LSM8: variants seen among roughly 807,000 people sequenced by gnomAD.
LSM8 encodes the protein LSM8 U6 small nuclear RNA associated.
A neutral mutation model predicts 15.0 loss-of-function variants in LSM8; 14 were observed. That is an observed-to-expected ratio of 0.93 (90% CI 0.62 to 1.46). The LOEUF is 1.46. Ranked by LOEUF, LSM8 falls within the 40% of genes most tolerant of loss-of-function variation. LSM8 has a pLI of 0.00. For synonymous variants in LSM8, 50 were observed against 42.1 expected (o/e 1.19, Z -0.73); for missense variants, 90 against 115.4 (o/e 0.78, Z 1.01).
chr7:118,195,752 CTT>C lies in LSM8; in HGVS notation c.*3751_*3752del, dbSNP rs1177070549. ...TTTACTTATTTTGGGTTTAAAAAAA[CTT>C]GGGCTGTGAATCTCAGTTTTAAGTC... On this transcript the variant is annotated 3_prime_UTR_variant, in exon 4 of 4. Transcript: ENST00000249299. Among the ~76,000 whole-genome samples the C allele has an allele frequency of 3.3e-5, 5 of 152,004 alleles. No individual in the cohort carries two copies. The East Asian group carries it at 9.6e-4, about 29-fold the overall frequency.
At position 118,192,281 on chromosome 7, in the gene LSM8, T is replaced by C. The variant is rs544752930; in HGVS notation, c.*279T>C. On this transcript the variant is annotated 3_prime_UTR_variant, in exon 4 of 4. Transcript: ENST00000249299. ...AGAAAAAAGTAGTACTTTTTGATACTTTAGTATTTATGGAAACTAGTGGAA... is the reference window on the plus strand; with the variant it reads ...AGAAAAAAGTAGTACTTTTTGATACCTTAGTATTTATGGAAACTAGTGGAA... 1 of 245,352 alleles carries C rather than the reference T, an allele frequency of 4.1e-6. No homozygotes were observed. The highest frequency in any genetic ancestry group is 7.8e-6 in the Non-Finnish European group (1 of 127,496). The allele number at this position is 245,352 out of a possible 1,614,324, so 15.2% of individuals were successfully genotyped here.
chr7:118,184,289 G>C (rs1239337360), intron 1 of LSM8, 35 bp downstream of exon 1: 1 of 1,461,864 alleles, frequency 6.8e-7, no homozygotes, highest in African/African-American at 1.5e-5. Flanking sequence ...GCGTGAGCCG[G>C]GGTCGCGGAG....
chr7:118,187,443 A>G (rs1432282690), intron 2 of LSM8, among the ~76,000 whole-genome samples: 1 of 152,212 alleles, frequency 6.6e-6, no homozygotes, highest in Non-Finnish European at 1.5e-5. Flanking sequence ...ATTTGTATCT[A>G]CCTTACTGGG....
Position 118,194,710 on chromosome 7 carries a change from C to A in LSM8, c.*2708C>A, listed in dbSNP as rs568593289. Reference sequence around the variant, plus strand: ...CATCATGGGAATGAGAAAGTAAAGGCCCTTTGTAATGGCATGTGAACCAGA... The same window carrying A: ...CATCATGGGAATGAGAAAGTAAAGGACCTTTGTAATGGCATGTGAACCAGA... On this transcript the variant is annotated 3_prime_UTR_variant, in exon 4 of 4. Transcript: ENST00000249299. 9.5e-4 allele frequency among the ~76,000 whole-genome samples: 144 copies of A among 152,210 alleles called. No homozygotes were observed. Among genetic ancestry groups the A allele is most frequent in the African/African-American group, 3.1e-3 (127 of 41,554 alleles).
Position 118,194,522 on chromosome 7 carries a change from A to G in LSM8, c.*2520A>G, listed in dbSNP as rs1341912655. 5.9e-5 allele frequency among the ~76,000 whole-genome samples: 9 copies of G among 152,202 alleles called. No individual in the cohort carries two copies. The highest frequency in any genetic ancestry group is 1.0e-4 in the Non-Finnish European group (7 of 68,010). On this transcript the variant is annotated 3_prime_UTR_variant, in exon 4 of 4. Transcript: ENST00000249299. The stretch of plus-strand genomic sequence containing the variant: ...GAAGAGCAAGAGAGAAAGTTTTACT[A>G]ATATTTGCTTAAACATCCTGTTTAA...
At position 118,199,045 on chromosome 7, in the gene LSM8, T is replaced by C. The variant is rs754176047; in HGVS notation, c.*7043T>C. Among the ~76,000 whole-genome samples the C allele has an allele frequency of 6.6e-6, 1 of 152,210 alleles. No individual in the cohort carries two copies. Among genetic ancestry groups the C allele is most frequent in the Non-Finnish European group, 1.5e-5 (1 of 68,036 alleles). On this transcript the variant is annotated 3_prime_UTR_variant, in exon 4 of 4. Transcript: ENST00000249299. ...CACCGTTGCTGAACTAGGTGCTGTC[T>C]GTGCAGCTCCACTGGGAGAGGACAT...
rs1465465575 is a variant in LSM8 at position 118,200,305 on chromosome 7, A to G, written c.*8303A>G. Among the ~76,000 whole-genome samples the G allele has an allele frequency of 6.6e-6, 1 of 152,118 alleles. No homozygotes were observed. Among genetic ancestry groups the G allele is most frequent in the East Asian group, 1.9e-4 (1 of 5,192 alleles). Reference sequence around the variant, plus strand: ...ATAAGTAGCTGCTCTGGTGCTCTCTAGAGGCAGAACTTGCTGAATTTGAAG... The same window carrying G: ...ATAAGTAGCTGCTCTGGTGCTCTCTGGAGGCAGAACTTGCTGAATTTGAAG... On this transcript the variant is annotated 3_prime_UTR_variant, in exon 4 of 4. Coordinates refer to ENST00000249299, the MANE Select transcript of LSM8 (RefSeq NM_016200.5).
In LSM8 at chr7:118,194,930, G is replaced by A. The variant is rs934753084; in HGVS notation, c.*2928G>A. The stretch of plus-strand genomic sequence containing the variant: ...CAGCAGGGTCAAGTGACTTGTAAGA[G>A]GTAGCACTAGTAAGTAACAGTGCTC... On this transcript the variant is annotated 3_prime_UTR_variant, in exon 4 of 4. Transcript: ENST00000249299. Among the ~76,000 whole-genome samples, 1 of 152,096 alleles carries A rather than the reference G, an allele frequency of 6.6e-6. No individual in the cohort carries two copies.
intron 1 of LSM8, chr7:118,185,160 C>G (rs1808865005): frequency 1.3e-5 from 2 of 152,160 alleles, no homozygotes; most frequent in South Asian, 4.2e-4. Flanking sequence ...ATAAGATACA[C>G]CGATCACATA....
At chr7:118,191,856 T>G in intron 3 of LSM8, 56 bp from the exon 4 acceptor site, 2 of 1,364,998 alleles carry the variant, frequency 1.5e-6, no homozygotes, top group Non-Finnish European at 2.1e-6. Flanking sequence ...GTAAGATTTT[T>G]GAAACACATG....
intron 2 of LSM8, 98 bp from the exon 3 acceptor site, chr7:118,188,180 A>G (rs933696570): frequency 2.2e-6 from 3 of 1,365,926 alleles, no homozygotes; most frequent in South Asian, 2.4e-5. Flanking sequence ...AGGTACTTGT[A>G]TTGGAATACC....
rs1809038440 is a variant in LSM8, at chr7:118,194,245, C to G, written c.*2243C>G. ...GCAAATCAATTTCAACCTGTAATTACCTCTGTGCTTTGTGACTCAGGCACA... is the reference window on the plus strand; with the variant it reads ...GCAAATCAATTTCAACCTGTAATTAGCTCTGTGCTTTGTGACTCAGGCACA... On this transcript the variant is annotated 3_prime_UTR_variant, in exon 4 of 4. Coordinates refer to ENST00000249299, the MANE Select transcript of LSM8 (RefSeq NM_016200.5). Among the ~76,000 whole-genome samples the G allele has an allele frequency of 6.6e-6, 1 of 152,094 alleles. No homozygotes were observed. Among genetic ancestry groups the G allele is most frequent in the South Asian group, 2.1e-4 (1 of 4,824 alleles).
intron 3 of LSM8, chr7:118,190,136 C>G (rs1178064375): frequency 6.6e-6 from 1 of 152,134 alleles, no homozygotes; most frequent in Non-Finnish European, 1.5e-5. Flanking sequence ...GAATAATTTA[C>G]TCATTTAAGT....
Position 118,193,491 on chromosome 7 carries a change from AG to A in LSM8, c.*1493del, listed in dbSNP as rs1394502805. 1.3e-5 allele frequency among the ~76,000 whole-genome samples: 2 copies of A among 152,104 alleles called. No individual in the cohort carries two copies. The highest frequency in any genetic ancestry group is 2.9e-5 in the Non-Finnish European group (2 of 67,968). On this transcript the variant is annotated 3_prime_UTR_variant, in exon 4 of 4. Transcript: ENST00000249299. ...TATCTTCACTCAAATCAGCCTTATA[AG>A]GGGAGAAGCACTATTCTCTAGAATT...
In LSM8 at chr7:118,185,635, T is replaced by C. The variant is rs780439635; in HGVS notation, c.32-19T>C. 9.4e-6 allele frequency: 15 copies of C among 1,599,854 alleles called. No homozygotes were observed. The highest frequency in any genetic ancestry group is 3.3e-5 in the South Asian group (3 of 90,238). On this transcript the variant is annotated intron_variant, in intron 1 of 3. Coordinates refer to ENST00000249299, the MANE Select transcript of LSM8 (RefSeq NM_016200.5). ...AATTTGCATTCCCTAAGAAACACTT[T>C]CTTTGATTCAGTTATCAGGAACTGT... is the stretch of plus-strand genomic sequence containing the variant.
chr7:118,191,059 C>A (rs62466473), intron 3 of LSM8: 10,381 of 150,846 alleles, frequency 0.069, 385 homozygotes, highest in East Asian at 0.11. Flanking sequence ...GAGTCAAGAT[C>A]GTGCCACTGC....
chr7:118,184,371 A>C, intron 1 of LSM8, 117 bp downstream of exon 1: 1 of 1,246,576 alleles, frequency 8.0e-7, no homozygotes, highest in Non-Finnish European at 1.1e-6. Flanking sequence ...GGGCGAGGAG[A>C]TGAGGGCCCC....
rs1714541662 is a variant in LSM8, at chr7:118,193,435, T to C, written c.*1433T>C. 6.6e-6 allele frequency among the ~76,000 whole-genome samples: 1 copy of C among 152,130 alleles called. No individual in the cohort carries two copies. Among genetic ancestry groups the C allele is most frequent in the African/African-American group, 2.4e-5 (1 of 41,442 alleles). On this transcript the variant is annotated 3_prime_UTR_variant, in exon 4 of 4. Transcript: ENST00000249299. ...TAAAATATTTTAAACTTCATACTTA[T>C]TAAACATAATAGCTTTTTGGGGGAG...
At position 118,202,058 on chromosome 7, in the gene LSM8, G is replaced by T. The variant is rs73716925; in HGVS notation, c.*10056G>T. 8.7e-3 allele frequency among the ~76,000 whole-genome samples: 1,321 copies of T among 152,198 alleles called. 16 individuals carry two copies. Among genetic ancestry groups the T allele is most frequent in the African/African-American group, 0.029 (1,224 of 41,562 alleles). ...AGCAGACTCCCTAAACACAGAGGAG[G>T]CAGTAATTTAGGACAGCTTAAACAT... On this transcript the variant is annotated 3_prime_UTR_variant, in exon 4 of 4. Transcript: ENST00000249299.
Sources: allele counts gnomAD v4.1 joint callset (sites outside exome capture counted in the v4.1 genomes callset), GRCh38; gene constraint gnomAD v4.1.1; transcripts MANE v1.5; gene names NCBI Gene and HGNC (gene_info 2026-07-23, HGNC 2026-07-21).